Variants in HS3ST4 observed in about 807,000 individuals in gnomAD.
HS3ST4 encodes heparan sulfate-glucosamine 3-sulfotransferase 4, also known as heparan sulfate glucosamine 3-O-sulfotransferase 4.
A neutral mutation model predicts 29.2 loss-of-function variants in HS3ST4; 17 were observed. That is an observed-to-expected ratio of 0.58 (90% CI 0.40 to 0.87). The LOEUF is 0.87. Ranked by LOEUF, HS3ST4 falls within the 40% of genes least tolerant of loss-of-function variation. The pLI, the probability that HS3ST4 is intolerant of heterozygous loss-of-function variation, is 0.00. For missense variants in HS3ST4, 627 were observed against 634.5 expected (o/e 0.99, Z 0.13); for synonymous variants, 314 against 285.7 (o/e 1.10, Z -1.00).
intron 1 of HS3ST4, among the ~76,000 whole-genome samples, chr16:26,052,586 G>A (rs1405456436): frequency 6.6e-6 from 1 of 152,160 alleles, no homozygotes; most frequent in Non-Finnish European, 1.5e-5. Context: ...GGCCAGGCTG[G>A]TCTTGAACTC....
intron 1 of HS3ST4, among the ~76,000 whole-genome samples, chr16:25,752,296 A>C (rs1181246398): frequency 6.6e-6 from 1 of 152,196 alleles, no homozygotes; most frequent in South Asian, 2.1e-4. Context: ...AGTATTAATA[A>C]CATGAAGACA....
At chr16:25,915,588 C>T (rs1193022416) in intron 1 of HS3ST4, among the ~76,000 whole-genome samples, 1 of 152,202 alleles carries the variant, frequency 6.6e-6, no homozygotes, top group Admixed American at 6.5e-5. Flanking sequence ...TCCTGTCCAT[C>T]ATCATATCAG....
intron 1 of HS3ST4, among the ~76,000 whole-genome samples, chr16:26,103,794 C>T (rs1899017527): frequency 6.6e-6 from 1 of 152,156 alleles, no homozygotes; most frequent in East Asian, 1.9e-4. Context: ...TCGTTTTGGT[C>T]CCTGAAAACC....
At chr16:25,696,365 A>G (rs548687967) in intron 1 of HS3ST4, among the ~76,000 whole-genome samples, 1 of 152,316 alleles carries the variant, frequency 6.6e-6, no homozygotes, top group South Asian at 2.1e-4. Context: ...CCAATGCAGA[A>G]CTCATCAAGG....
chr16:25,916,184 G>A (rs1242101678), intron 1 of HS3ST4, among the ~76,000 whole-genome samples: 1 of 152,172 alleles, frequency 6.6e-6, no homozygotes, highest in Non-Finnish European at 1.5e-5. Context: ...CATCAGTGCA[G>A]AGGAAGAATT....
At chr16:26,015,389 T>G (rs1429041101) in intron 1 of HS3ST4, among the ~76,000 whole-genome samples, 2 of 152,228 alleles carry the variant, frequency 1.3e-5, no homozygotes, top group African/African-American at 4.8e-5. Context: ...CTTCTGTCAT[T>G]TTTAGAGATG....
chr16:25,699,661 C>T (rs540979164), intron 1 of HS3ST4, among the ~76,000 whole-genome samples: 5 of 152,240 alleles, frequency 3.3e-5, no homozygotes, highest in African/African-American at 1.2e-4. Context: ...CATTCACCTA[C>T]GAAAAGACTT....
chr16:25,861,066 C>T (rs1210554668), intron 1 of HS3ST4, among the ~76,000 whole-genome samples: 1 of 152,148 alleles, frequency 6.6e-6, no homozygotes, highest in Non-Finnish European at 1.5e-5. Flanking sequence ...CAAACAAATA[C>T]ACAGCAACAA....
intron 1 of HS3ST4, among the ~76,000 whole-genome samples, chr16:25,757,854 A>G (rs1308726540): frequency 6.6e-6 from 1 of 152,066 alleles, no homozygotes; most frequent in Non-Finnish European, 1.5e-5. Flanking sequence ...TAGAGTTCCC[A>G]GCTCCCTTGA....
At chr16:26,080,571 A>G (rs939893999) in intron 1 of HS3ST4, among the ~76,000 whole-genome samples, 17 of 152,174 alleles carry the variant, frequency 1.1e-4, no homozygotes, top group Non-Finnish European at 1.5e-4. Context: ...ACTATCAAGC[A>G]GGTCACCAGT....
chr16:25,772,474 C>T (rs1159605701), intron 1 of HS3ST4, among the ~76,000 whole-genome samples: 1 of 152,192 alleles, frequency 6.6e-6, no homozygotes, highest in African/African-American at 2.4e-5. Context: ...ATCCGTGATA[C>T]TGGCCTTAGG....
At chr16:26,052,513 A>G (rs1478995535) in intron 1 of HS3ST4, among the ~76,000 whole-genome samples, 2 of 151,984 alleles carry the variant, frequency 1.3e-5, no homozygotes, top group Non-Finnish European at 2.9e-5. Flanking sequence ...TGGGATTACA[A>G]GTGCCCACCA....
At chr16:26,008,798 G>A (rs571093056) in intron 1 of HS3ST4, among the ~76,000 whole-genome samples, 9 of 152,296 alleles carry the variant, frequency 5.9e-5, no homozygotes, top group East Asian at 1.9e-4. Context: ...CAGCCTGGGC[G>A]ATAGAGTGAG....
chr16:25,796,768 T>C (rs1966888329), intron 1 of HS3ST4, among the ~76,000 whole-genome samples: 1 of 152,180 alleles, frequency 6.6e-6, no homozygotes, highest in Non-Finnish European at 1.5e-5. Context: ...AGTGTATGTA[T>C]GGTTTGCAGT....
At chr16:26,120,091 G>GTGTGTA (rs1388105823) in intron 1 of HS3ST4, among the ~76,000 whole-genome samples, 1 of 150,652 alleles carries the variant, frequency 6.6e-6, no homozygotes, top group African/African-American at 2.4e-5. Flanking sequence ...GTGTGTGTGT[G>GTGTGTA]TATATGTGTG....
intron 1 of HS3ST4, among the ~76,000 whole-genome samples, chr16:25,976,835 CA>C (rs1283161230): frequency 6.6e-6 from 1 of 152,172 alleles, no homozygotes. Flanking sequence ...TCTGCTCCGG[CA>C]GTGCAAGAGG....
intron 1 of HS3ST4, among the ~76,000 whole-genome samples, chr16:26,056,116 C>T (rs936332432): frequency 6.6e-6 from 1 of 151,828 alleles, no homozygotes; most frequent in East Asian, 1.9e-4. Flanking sequence ...CACAAGGAAG[C>T]AAACTCTCCT....
intron 1 of HS3ST4, among the ~76,000 whole-genome samples, chr16:25,728,477 A>G (rs148524883): frequency 7.2e-5 from 11 of 152,350 alleles, no homozygotes; most frequent in Admixed American, 4.6e-4. Context: ...AAATAAAATA[A>G]AGTATATAAA....
intron 1 of HS3ST4, among the ~76,000 whole-genome samples, chr16:25,928,120 T>A (rs1426000948): frequency 6.7e-6 from 1 of 148,514 alleles, no homozygotes; most frequent in Admixed American, 6.8e-5. Flanking sequence ...TGCTTGCACC[T>A]GGATGTTCGA....
Sources: allele counts gnomAD v4.1 joint callset (sites outside exome capture counted in the v4.1 genomes callset), GRCh38; gene constraint gnomAD v4.1.1; transcripts MANE v1.5; gene names NCBI Gene and HGNC (gene_info 2026-07-23, HGNC 2026-07-21).